Variants in DLG2 observed in about 807,000 individuals in gnomAD.
DLG2 encodes discs large MAGUK scaffold protein 2.
Under a neutral mutation model 132.5 loss-of-function variants are expected in DLG2, and 45 were observed. The ratio of observed to expected loss-of-function variants is 0.34; its 90% CI spans 0.27 to 0.44. DLG2 has a LOEUF of 0.44. Among genes scored for constraint, DLG2 ranks in the 20% least tolerant of loss-of-function variants. DLG2 has a pLI of 1.00. For missense variants in DLG2, 1,045 were observed against 1,196.9 expected, an observed-to-expected ratio of 0.87 and a Z score of 1.87; for synonymous variants, 424 against 419.6, an observed-to-expected ratio of 1.01 and a Z score of -0.13.
chr11:85,280,302 T>G (rs548240035), intron 4 of DLG2, among the ~76,000 whole-genome samples: 1 of 152,158 alleles, frequency 6.6e-6, no homozygotes, highest in African/African-American at 2.4e-5. Context: ...CCTGATAGCT[T>G]ATTTATTCTT....
At chr11:84,521,833 A>G (rs1295756720) in intron 7 of DLG2, among the ~76,000 whole-genome samples, 1 of 152,212 alleles carries the variant, frequency 6.6e-6, no homozygotes, top group Non-Finnish European at 1.5e-5. Flanking sequence ...GTCCACTGAG[A>G]AAATAAACTA....
intron 9 of DLG2, among the ~76,000 whole-genome samples, chr11:84,100,888 T>C (rs1240842772): frequency 2.6e-5 from 4 of 152,236 alleles, no homozygotes; most frequent in Non-Finnish European, 5.9e-5. Flanking sequence ...CAGAGGGTTG[T>C]TTTTACAATT....
At chr11:84,212,758 AAG>A in intron 8 of DLG2, among the ~76,000 whole-genome samples, 1 of 152,236 alleles carries the variant, frequency 6.6e-6, no homozygotes, top group African/African-American at 2.4e-5. Flanking sequence ...CTCCCGGTTC[AAG>A]CGAATCTACT....
chr11:84,647,299 GATA>G (rs1259962044), intron 6 of DLG2, among the ~76,000 whole-genome samples: 2 of 152,046 alleles, frequency 1.3e-5, no homozygotes, highest in Non-Finnish European at 2.9e-5. Flanking sequence ...AATAAAGGAT[GATA>G]ATGATGCCTT....
chr11:83,775,229 T>A (rs1367518612), intron 18 of DLG2, among the ~76,000 whole-genome samples: 1 of 152,194 alleles, frequency 6.6e-6, no homozygotes, highest in African/African-American at 2.4e-5. Flanking sequence ...GGCATCTTTT[T>A]CTTTTGGTTT....
At chr11:85,202,624 C>T (rs1291257879) in intron 4 of DLG2, among the ~76,000 whole-genome samples, 1 of 152,056 alleles carries the variant, frequency 6.6e-6, no homozygotes, top group Non-Finnish European at 1.5e-5. Context: ...GAACATTCTC[C>T]ACAATAGATC....
At chr11:85,226,773 C>G (rs546676380) in intron 4 of DLG2, among the ~76,000 whole-genome samples, 2 of 152,104 alleles carry the variant, frequency 1.3e-5, no homozygotes, top group Non-Finnish European at 2.9e-5. Flanking sequence ...CTGAAAATCC[C>G]TATCTCATCA....
chr11:85,193,692 T>A (rs1252047730), intron 4 of DLG2, among the ~76,000 whole-genome samples: 1 of 152,252 alleles, frequency 6.6e-6, no homozygotes, highest in African/African-American at 2.4e-5. Context: ...AATTACGTAT[T>A]CAAATTCTTT....
chr11:85,617,966 A>T (rs1188655122), intron 2 of DLG2, among the ~76,000 whole-genome samples: 1 of 152,222 alleles, frequency 6.6e-6, no homozygotes, highest in Admixed American at 6.5e-5. Context: ...CTACTTTATT[A>T]TACTATACCA....
chr11:83,590,818 G>A (rs1176786588), intron 19 of DLG2, among the ~76,000 whole-genome samples: 6 of 152,150 alleles, frequency 3.9e-5, no homozygotes, highest in East Asian at 1.9e-4. Context: ...TATCACCACC[G>A]ATCTCACAGA....
intron 6 of DLG2, among the ~76,000 whole-genome samples, chr11:85,024,364 G>T (rs1043829360): frequency 7.2e-5 from 11 of 152,072 alleles, no homozygotes; most frequent in African/African-American, 1.9e-4. Context: ...CAACCTCAAG[G>T]TAAACGGCAC....
chr11:84,475,450 AG>A (rs1248026876), intron 7 of DLG2, among the ~76,000 whole-genome samples: 1 of 152,046 alleles, frequency 6.6e-6, no homozygotes, highest in African/African-American at 2.4e-5. Flanking sequence ...GACTCCTCTA[AG>A]GGTGATTTGT....
At chr11:84,917,542 T>C (rs574815217) in intron 6 of DLG2, among the ~76,000 whole-genome samples, 2 of 152,334 alleles carry the variant, frequency 1.3e-5, no homozygotes, top group East Asian at 1.9e-4. Context: ...AGTTTCCTCA[T>C]ATATAAAATA....
At chr11:85,168,034 T>C (rs1364119783) in intron 4 of DLG2, among the ~76,000 whole-genome samples, 6 of 152,068 alleles carry the variant, frequency 3.9e-5, no homozygotes, top group Non-Finnish European at 4.4e-5. Context: ...CAAATAAAAC[T>C]AGGCACAACC....
intron 4 of DLG2, among the ~76,000 whole-genome samples, chr11:85,264,703 T>G (rs2077113511): frequency 6.6e-6 from 1 of 151,980 alleles, no homozygotes; most frequent in Non-Finnish European, 1.5e-5. Context: ...ACCCCAGGAG[T>G]GTAGTCTTCT....
chr11:83,503,976 A>T (rs2094572744), intron 21 of DLG2, among the ~76,000 whole-genome samples: 1 of 152,174 alleles, frequency 6.6e-6, no homozygotes, highest in South Asian at 2.1e-4. Context: ...TACAACCAGA[A>T]ATGCACCAAT....
At chr11:85,226,660 A>G (rs565049464) in intron 4 of DLG2, among the ~76,000 whole-genome samples, 1 of 152,348 alleles carries the variant, frequency 6.6e-6, no homozygotes, top group African/African-American at 2.4e-5. Context: ...GGTTATTAAA[A>G]TAATCAACTA....
chr11:85,503,656 G>A (rs1341936141), intron 3 of DLG2, among the ~76,000 whole-genome samples: 1 of 152,088 alleles, frequency 6.6e-6, no homozygotes, highest in Non-Finnish European at 1.5e-5. Context: ...CAAAGACCAG[G>A]AATGGTGACC....
chr11:83,494,187 G>T (rs2094023162), intron 21 of DLG2, among the ~76,000 whole-genome samples: 1 of 151,844 alleles, frequency 6.6e-6, no homozygotes, highest in African/African-American at 2.4e-5. Flanking sequence ...CAGAGCTGAA[G>T]CAAATAAAAC....
Sources: allele counts gnomAD v4.1 joint callset (sites outside exome capture counted in the v4.1 genomes callset), GRCh38; gene constraint gnomAD v4.1.1; transcripts MANE v1.5; gene names NCBI Gene and HGNC (gene_info 2026-07-23, HGNC 2026-07-21).